LINGO2: variants seen among roughly 807,000 people sequenced by gnomAD.
LINGO2 encodes leucine-rich repeat and immunoglobulin-like domain-containing nogo receptor-interacting protein 2.
LINGO2 carries 14 observed loss-of-function variants against 30.6 expected under a neutral mutation model. That is an observed-to-expected ratio of 0.46 (90% CI 0.30 to 0.72). The LOEUF (loss-of-function observed/expected upper bound fraction) is 0.72, where lower values mean the gene tolerates loss of function less well. Among genes scored for constraint, LINGO2 ranks in the 30% least tolerant of loss-of-function variants. The pLI is 0.07. For missense variants in LINGO2, 729 were observed against 751.7 expected (o/e 0.97, Z 0.35); for synonymous variants, 317 against 288.5 (o/e 1.10, Z -1.00).
At chr9:29,079,423 A>G in the LINGO2 span, among the ~76,000 whole-genome samples, 1 of 152,002 alleles carries the variant, frequency 6.6e-6, no homozygotes, top group African/African-American at 2.4e-5. Context: ...AAAATAGGTC[A>G]GTGATTCCTA....
chr9:27,998,262 G>C (rs1821769711), intron 5 of LINGO2, among the ~76,000 whole-genome samples: 1 of 152,176 alleles, frequency 6.6e-6, no homozygotes, highest in South Asian at 2.1e-4. Flanking sequence ...GCCTCCACCT[G>C]ACTCTTTTGG....
intron 4 of LINGO2, among the ~76,000 whole-genome samples, chr9:28,043,623 A>C (rs1824290075): frequency 6.6e-6 from 1 of 152,186 alleles, no homozygotes; most frequent in Non-Finnish European, 1.5e-5. Flanking sequence ...ACATATACAA[A>C]ACTATGAAAG....
intron 5 of LINGO2, among the ~76,000 whole-genome samples, chr9:28,003,696 T>C (rs140849084): frequency 0.015 from 2,355 of 152,248 alleles, 63 homozygotes; most frequent in African/African-American, 0.054. Context: ...CTCCTGACCT[T>C]GTGATCCGCC....
chr9:27,989,271 T>C (rs1175861838), intron 5 of LINGO2, among the ~76,000 whole-genome samples: 3 of 151,990 alleles, frequency 2.0e-5, no homozygotes, highest in Admixed American at 2.0e-4. Flanking sequence ...AAAGCCTCTG[T>C]CACTACCTGG....
intron 4 of LINGO2, among the ~76,000 whole-genome samples, chr9:28,160,418 C>A (rs186925597): frequency 4.6e-5 from 7 of 152,300 alleles, no homozygotes; most frequent in Non-Finnish European, 8.8e-5. Context: ...TATTTATTGC[C>A]TCTCCTGTGT....
intron 5 of LINGO2, among the ~76,000 whole-genome samples, chr9:27,971,045 A>G (rs1587575133): frequency 1.3e-5 from 2 of 151,874 alleles, no homozygotes; most frequent in Admixed American, 6.6e-5. Context: ...AATAGCAAGC[A>G]TAGAGAAAGC....
At chr9:28,782,434 C>T in the LINGO2 span, among the ~76,000 whole-genome samples, 2 of 152,072 alleles carry the variant, frequency 1.3e-5, no homozygotes, top group African/African-American at 2.4e-5. Flanking sequence ...GGGGTGATGG[C>T]AGTGGATAGT....
the LINGO2 span, among the ~76,000 whole-genome samples, chr9:28,785,963 T>G: frequency 1.3e-5 from 2 of 152,234 alleles, no homozygotes; most frequent in Non-Finnish European, 2.9e-5. Context: ...TACGACCTTC[T>G]GTAACAAATC....
At chr9:29,061,611 C>G in the LINGO2 span, among the ~76,000 whole-genome samples, 134 of 151,954 alleles carry the variant, frequency 8.8e-4, no homozygotes, top group African/African-American at 3.2e-3. Context: ...AAATGATGCG[C>G]GAGAACTGGT....
At chr9:28,200,503 GA>G (rs143548399) in intron 4 of LINGO2, among the ~76,000 whole-genome samples, 11,906 of 145,220 alleles carry the variant, frequency 0.082, 670 homozygotes, top group East Asian at 0.21. Flanking sequence ...TTCTCTTAAG[GA>G]AAAAAAAAAA....
chr9:29,090,498 C>G, the LINGO2 span, among the ~76,000 whole-genome samples: 2 of 151,922 alleles, frequency 1.3e-5, no homozygotes, highest in Admixed American at 1.3e-4. Flanking sequence ...TTGTGTATCT[C>G]AAAAGCTTAA....
chr9:28,849,734 C>T, the LINGO2 span, among the ~76,000 whole-genome samples: 1 of 152,022 alleles, frequency 6.6e-6, no homozygotes. Flanking sequence ...CTAACCATCT[C>T]TTCCTTTATT....
At chr9:28,819,007 T>C in the LINGO2 span, among the ~76,000 whole-genome samples, 2 of 152,216 alleles carry the variant, frequency 1.3e-5, no homozygotes, top group Non-Finnish European at 2.9e-5. Context: ...ATAGTTTTGT[T>C]GTTTTTTTTC....
chr9:28,766,085 T>A, the LINGO2 span, among the ~76,000 whole-genome samples: 1 of 151,700 alleles, frequency 6.6e-6, no homozygotes, highest in African/African-American at 2.4e-5. Context: ...AAAGCAAAAA[T>A]AAACAAGTGG....
At chr9:28,838,365 G>A in the LINGO2 span, among the ~76,000 whole-genome samples, 8 of 151,934 alleles carry the variant, frequency 5.3e-5, no homozygotes, top group African/African-American at 1.9e-4. Flanking sequence ...TATTTCATAG[G>A]TAATCATTAG....
At chr9:28,370,691 G>C (rs2134565576) in intron 3 of LINGO2, among the ~76,000 whole-genome samples, 1 of 152,248 alleles carries the variant, frequency 6.6e-6, no homozygotes, top group East Asian at 1.9e-4. Flanking sequence ...GAAATGTGTT[G>C]TTACAGAAAG....
intron 4 of LINGO2, among the ~76,000 whole-genome samples, chr9:28,228,234 T>A (rs10812759): frequency 0.021 from 3,217 of 152,128 alleles, 55 homozygotes; most frequent in Middle Eastern, 0.061. Flanking sequence ...ACCAAATCAC[T>A]GCAGGAATAC....
chr9:28,397,374 C>CATATATAT (rs375219396), intron 2 of LINGO2, among the ~76,000 whole-genome samples: 3 of 116,310 alleles, frequency 2.6e-5, no homozygotes, highest in Non-Finnish European at 1.9e-5. Context: ...TATATATATA[C>CATATATAT]ATATATATAT....
chr9:28,548,728 A>AAAAAAAATAATAAT (rs1822096276), intron 1 of LINGO2, among the ~76,000 whole-genome samples: 1 of 139,564 alleles, frequency 7.2e-6, no homozygotes, highest in African/African-American at 2.6e-5. Context: ...AAAAAAAAAA[A>AAAAAAAATAATAAT]AATATTTGAT....
Sources: allele counts gnomAD v4.1 joint callset (sites outside exome capture counted in the v4.1 genomes callset), GRCh38; gene constraint gnomAD v4.1.1; transcripts MANE v1.5; gene names NCBI Gene and HGNC (gene_info 2026-07-23, HGNC 2026-07-21).